The following SLC39A8 variants were observed in gnomAD, a reference collection of about 807,000 sequenced individuals.
The protein encoded by SLC39A8 is metal cation symporter ZIP8.
In SLC39A8, 15 loss-of-function variants were observed where a neutral mutation model predicts 40.4. The ratio of observed to expected loss-of-function variants is 0.37; its 90% CI spans 0.25 to 0.57. The LOEUF is 0.57. Among genes scored for constraint, SLC39A8 ranks in the 20% least tolerant of loss-of-function variants. The pLI is 0.75. For synonymous variants in SLC39A8, 223 were observed against 221.6 expected, an observed-to-expected ratio of 1.01 and a Z score of -0.06; for missense variants, 472 against 558.8, an observed-to-expected ratio of 0.84 and a Z score of 1.57.
intron 6 of SLC39A8, among the ~76,000 whole-genome samples, chr4:102,282,593 A>G (rs1732945024): frequency 7.0e-6 from 1 of 142,982 alleles, no homozygotes; most frequent in Non-Finnish European, 1.6e-5. Flanking sequence ...TGGGTGTTCA[A>G]TAAATATTAT....
intron 3 of SLC39A8, among the ~76,000 whole-genome samples, chr4:102,315,384 C>T (rs1734609471): frequency 1.3e-5 from 2 of 152,062 alleles, no homozygotes; most frequent in South Asian, 4.1e-4. Flanking sequence ...ATCCAATATG[C>T]ACAGCATAAA....
intron 6 of SLC39A8, among the ~76,000 whole-genome samples, chr4:102,292,303 C>G (rs1295509469): frequency 6.6e-6 from 1 of 151,774 alleles, no homozygotes; most frequent in East Asian, 1.9e-4. Context: ...AACATTATAC[C>G]CTATAAATAT....
chr4:102,316,995 G>A (rs1323818395), intron 2 of SLC39A8, among the ~76,000 whole-genome samples: 1 of 152,144 alleles, frequency 6.6e-6, no homozygotes, highest in Non-Finnish European at 1.5e-5. Context: ...CTCACAGACA[G>A]CAACCATTCT....
intron 6 of SLC39A8, among the ~76,000 whole-genome samples, chr4:102,295,178 TA>T: frequency 6.8e-6 from 1 of 147,942 alleles, no homozygotes; most frequent in East Asian, 2.0e-4. Flanking sequence ...TAAATATATA[TA>T]TTATATATAT....
chr4:102,264,843 T>G (rs1442961026), intron 8 of SLC39A8, among the ~76,000 whole-genome samples: 1 of 152,244 alleles, frequency 6.6e-6, no homozygotes, highest in South Asian at 2.1e-4. Context: ...CCTCTGCTAA[T>G]GTCCAGTTTT....
chr4:102,342,281 A>T (rs750224507), intron 2 of SLC39A8, among the ~76,000 whole-genome samples: 1 of 152,196 alleles, frequency 6.6e-6, no homozygotes, highest in Non-Finnish European at 1.5e-5. Context: ...CCGGCGGATC[A>T]CCTGAGGTCG....
At chr4:102,277,703 G>A (rs1385237639) in intron 6 of SLC39A8, among the ~76,000 whole-genome samples, 1 of 152,118 alleles carries the variant, frequency 6.6e-6, no homozygotes, top group Non-Finnish European at 1.5e-5. Flanking sequence ...AAAGAACAAA[G>A]TTGGAGGCAT....
intron 8 of SLC39A8, among the ~76,000 whole-genome samples, chr4:102,265,630 A>G (rs1455519429): frequency 3.3e-5 from 5 of 152,218 alleles, no homozygotes; most frequent in Admixed American, 3.3e-4. Context: ...GCAATGTGCA[A>G]TAAAACAAGG....
chr4:102,256,859 A>T (rs374261599), downstream of SLC39A8, among the ~76,000 whole-genome samples: 1 of 152,208 alleles, frequency 6.6e-6, no homozygotes, highest in African/African-American at 2.4e-5. Flanking sequence ...AAAGGGACTG[A>T]TTACAAACAT....
At chr4:102,306,305 T>G (rs945313119) in intron 4 of SLC39A8, among the ~76,000 whole-genome samples, 2 of 151,914 alleles carry the variant, frequency 1.3e-5, no homozygotes, top group South Asian at 2.1e-4. Context: ...AAATGTATTA[T>G]GTATATAATA....
At chr4:102,331,061 CA>C (rs1401299100) in intron 2 of SLC39A8, among the ~76,000 whole-genome samples, 2 of 152,152 alleles carry the variant, frequency 1.3e-5, no homozygotes, top group East Asian at 1.9e-4. Flanking sequence ...AGCCCACAGC[CA>C]ATATCATACT....
At chr4:102,263,329 C>T in intron 8 of SLC39A8, 136 bp from the exon 9 acceptor site, 1 of 691,468 alleles carries the variant, frequency 1.4e-6, no homozygotes. Context: ...CTCAATAAAG[C>T]AAGTTACATG....
intron 11 of SLC39A8, among the ~76,000 whole-genome samples, chr4:102,255,468 T>G: frequency 6.6e-6 from 1 of 151,924 alleles, no homozygotes; most frequent in South Asian, 2.1e-4. Flanking sequence ...TTTTCCCGGG[T>G]TTCTCCTTGT....
chr4:102,344,741 C>T lies in SLC39A8; in HGVS notation c.-79G>A, dbSNP rs1383997882. 5.9e-6 allele frequency: 8 copies of T among 1,363,292 alleles called. No individual in the cohort carries two copies. The highest frequency in any genetic ancestry group is 7.5e-6 in the Non-Finnish European group (8 of 1,065,846). 84.4% of individuals were successfully genotyped at this position (1,363,292 alleles called of 1,614,324 possible). A position where few individuals can be genotyped will look rare whatever the true frequency, so the allele number is the denominator to read the frequency against. On this transcript the variant is annotated 5_prime_UTR_variant, in exon 2 of 9. Coordinates refer to ENST00000356736, the MANE Select transcript of SLC39A8 (RefSeq NM_001135146.2). Reference sequence around the variant, plus strand: ...GCGCGCGGGCGCACTGGCGTCCTTGCCCAAGGGCGGGAGCGTCAGTGCTCG... The same window carrying T: ...GCGCGCGGGCGCACTGGCGTCCTTGTCCAAGGGCGGGAGCGTCAGTGCTCG...
At chr4:102,315,861 A>G (rs200801434) in intron 2 of SLC39A8, 31 bp from the exon 3 acceptor site, 4 of 1,581,330 alleles carry the variant, frequency 2.5e-6, no homozygotes, top group Non-Finnish European at 3.4e-6. Context: ...AAAAAATGTG[A>G]TAATAATGTG....
At chr4:102,328,886 G>A (rs145774428) in intron 2 of SLC39A8, among the ~76,000 whole-genome samples, 2,206 of 152,156 alleles carry the variant, frequency 0.014, 56 homozygotes, top group African/African-American at 0.051. Context: ...AAATTAGCTG[G>A]GCTTGGTGGT....
chr4:102,304,886 G>A (rs1734099524), intron 5 of SLC39A8, 103 bp downstream of exon 5: 7 of 1,006,284 alleles, frequency 7.0e-6, no homozygotes, highest in South Asian at 1.8e-5. Context: ...CTAATAACTG[G>A]ACCATTCTCA....
intron 6 of SLC39A8, among the ~76,000 whole-genome samples, chr4:102,273,028 A>G (rs900838385): frequency 1.5e-4 from 23 of 152,194 alleles, no homozygotes; most frequent in Non-Finnish European, 2.6e-4. Flanking sequence ...TTGTTTGGGC[A>G]GACACCAAGC....
At chr4:102,296,226 A>AGAAT (rs1733670886) in intron 6 of SLC39A8, among the ~76,000 whole-genome samples, 1 of 152,122 alleles carries the variant, frequency 6.6e-6, no homozygotes, top group South Asian at 2.1e-4. Flanking sequence ...AAAATGAGAA[A>AGAAT]GAATGGAATT....
Sources: gnomAD v4.1 joint callset for allele counts (sites outside exome capture counted in the v4.1 genomes callset) on GRCh38, gnomAD v4.1.1 for gene constraint, MANE v1.5 for transcripts, NCBI Gene and HGNC (gene_info 2026-07-23, HGNC 2026-07-21) for gene names.